The following CDH12 variants were observed in gnomAD, a reference collection of about 807,000 sequenced individuals.
The protein encoded by CDH12 is cadherin 12, also known as cadherin-12.
In CDH12, 41 loss-of-function variants were observed where a neutral mutation model predicts 74.1. The ratio of observed to expected loss-of-function variants is 0.55; its 90% CI spans 0.43 to 0.72. The LOEUF (loss-of-function observed/expected upper bound fraction) is 0.72. Among genes scored for constraint, CDH12 ranks in the 30% least tolerant of loss-of-function variants. The pLI is 0.00. For missense variants in CDH12, 945 were observed against 977.2 expected, an observed-to-expected ratio of 0.97 and a Z score of 0.44; for synonymous variants, 399 against 355.0, an observed-to-expected ratio of 1.12 and a Z score of -1.39.
chr5:22,840,696 G>T (rs1737044129), intron 1 of CDH12, among the ~76,000 whole-genome samples: 1 of 152,020 alleles, frequency 6.6e-6, no homozygotes. Flanking sequence ...AGAAAGGAGA[G>T]GTGGAAGTAA....
intron 5 of CDH12, among the ~76,000 whole-genome samples, chr5:21,977,669 A>G (rs1255670005): frequency 2.0e-5 from 3 of 152,156 alleles, no homozygotes; most frequent in Non-Finnish European, 2.9e-5. Context: ...AAGAAGCAAA[A>G]TGTGTCTTTA....
At chr5:22,586,161 T>TA in intron 1 of CDH12, among the ~76,000 whole-genome samples, 1 of 152,230 alleles carries the variant, frequency 6.6e-6, no homozygotes, top group East Asian at 1.9e-4. Context: ...TATGCAGCCA[T>TA]AAAAAATGAT....
intron 2 of CDH12, among the ~76,000 whole-genome samples, chr5:22,447,919 A>T (rs1744885486): frequency 6.8e-6 from 1 of 147,434 alleles, no homozygotes; most frequent in Non-Finnish European, 1.5e-5. Context: ...AAGCGGGAGT[A>T]TCACTTGAGC....
At chr5:22,138,407 T>A (rs1012589373) in intron 4 of CDH12, among the ~76,000 whole-genome samples, 2 of 151,810 alleles carry the variant, frequency 1.3e-5, no homozygotes, top group African/African-American at 4.8e-5. Flanking sequence ...AACACACAAG[T>A]AGGTATCACT....
intron 11 of CDH12, among the ~76,000 whole-genome samples, chr5:21,765,838 ATAAT>A (rs889717254): frequency 7.9e-5 from 12 of 152,080 alleles, no homozygotes; most frequent in African/African-American, 2.9e-4. Flanking sequence ...AAACTAGAAA[ATAAT>A]TAAATCAATA....
rs191412402 is a variant in CDH12 at position 21,961,761 on chromosome 5, G to A, written c.526+13330C>T. 9.9e-5 allele frequency among the ~76,000 whole-genome samples: 15 copies of A among 152,214 alleles called. No homozygotes were observed. In the East Asian group the frequency reaches 2.5e-3, roughly 26 times the overall value. On this transcript the variant is annotated intron_variant, in intron 6 of 14. Coordinates refer to ENST00000382254, the MANE Select transcript of CDH12 (RefSeq NM_004061.5). The stretch of plus-strand genomic sequence containing the variant: ...TCTGCACAGCCTTTATAAGGAACCC[G>A]TACCTTGAATTCAGACTTCTAGCCT...
intron 3 of CDH12, among the ~76,000 whole-genome samples, chr5:22,378,020 A>T (rs1741608057): frequency 6.6e-6 from 1 of 152,214 alleles, no homozygotes. Flanking sequence ...TAAGGCTAGA[A>T]TAACTGATTA....
At position 22,457,807 on chromosome 5, in the gene CDH12, C is replaced by T. The variant is rs531357309; in HGVS notation, c.-428+47463G>A. Among the ~76,000 whole-genome samples the T allele has an allele frequency of 1.2e-3, 179 of 152,028 alleles. 1 individual carries two copies. The highest frequency in any genetic ancestry group is 0.01 in the Middle Eastern group (3 of 294). ...TCACCCAGGCTGGAGTGCAGTGGTG[C>T]GATCTCAGCTCACTGCAACCTCCGC... On this transcript the variant is annotated intron_variant, in intron 2 of 14. Transcript: ENST00000382254.
chr5:22,814,191 T>G (rs1252513276), intron 1 of CDH12, among the ~76,000 whole-genome samples: 1 of 152,190 alleles, frequency 6.6e-6, no homozygotes, highest in Non-Finnish European at 1.5e-5. Flanking sequence ...TTAAATATTA[T>G]AAATGCTTGG....
intron 1 of CDH12, among the ~76,000 whole-genome samples, chr5:22,662,540 T>TA (rs971283772): frequency 6.6e-6 from 1 of 152,176 alleles, no homozygotes; most frequent in Non-Finnish European, 1.5e-5. Flanking sequence ...AACACTTTGT[T>TA]AAAAAATAAG....
At chr5:22,327,352 G>A (rs1211179147) in intron 3 of CDH12, among the ~76,000 whole-genome samples, 1 of 151,378 alleles carries the variant, frequency 6.6e-6, no homozygotes. Context: ...TTCATAAATT[G>A]TCAGTATTTT....
intron 8 of CDH12, among the ~76,000 whole-genome samples, chr5:21,836,750 T>C (rs139182147): frequency 1.9e-4 from 29 of 152,052 alleles, no homozygotes; most frequent in African/African-American, 7.0e-4. Context: ...TTGGAATCCA[T>C]CAGCACTTTT....
At chr5:22,152,574 A>G (rs1200589756) in intron 4 of CDH12, among the ~76,000 whole-genome samples, 4 of 152,210 alleles carry the variant, frequency 2.6e-5, no homozygotes, top group African/African-American at 4.8e-5. Flanking sequence ...TTCTGGAATG[A>G]CTAAATCCAG....
chr5:22,464,837 A>T (rs1250899245), intron 2 of CDH12, among the ~76,000 whole-genome samples: 1 of 152,002 alleles, frequency 6.6e-6, no homozygotes, highest in African/African-American at 2.4e-5. Context: ...CCCCACCTCT[A>T]CTAAAAATAT....
At chr5:22,836,377 C>G (rs1361310248) in intron 1 of CDH12, among the ~76,000 whole-genome samples, 1 of 151,600 alleles carries the variant, frequency 6.6e-6, no homozygotes. Context: ...TCATGCACCA[C>G]CATTCTCGGC....
chr5:21,884,088 G>T, intron 6 of CDH12: 1 of 1,429,938 alleles, frequency 7.0e-7, no homozygotes, highest in Non-Finnish European at 9.9e-7. Context: ...AAATTCCTCA[G>T]AAGTTGGTTA....
At chr5:21,824,884 T>C (rs1209768444) in intron 8 of CDH12, among the ~76,000 whole-genome samples, 2 of 152,156 alleles carry the variant, frequency 1.3e-5, no homozygotes, top group Non-Finnish European at 2.9e-5. Context: ...CCAGGCACAG[T>C]GGCTCAAGTC....
At chr5:22,292,490 A>G (rs1263275529) in intron 3 of CDH12, among the ~76,000 whole-genome samples, 2 of 152,038 alleles carry the variant, frequency 1.3e-5, no homozygotes, top group African/African-American at 2.4e-5. Flanking sequence ...TCTGCAAATT[A>G]CACATCTGAT....
chr5:22,169,676 G>C (rs1170020561), intron 4 of CDH12, among the ~76,000 whole-genome samples: 9 of 150,472 alleles, frequency 6.0e-5, no homozygotes, highest in Non-Finnish European at 7.4e-5. Context: ...GAAAGAGAGA[G>C]ATAGAAATGA....
Sources: gnomAD v4.1 joint callset for allele counts (sites outside exome capture counted in the v4.1 genomes callset) on GRCh38, gnomAD v4.1.1 for gene constraint, MANE v1.5 for transcripts, NCBI Gene and HGNC (gene_info 2026-07-23, HGNC 2026-07-21) for gene names.